The following RAB38 variants were observed in gnomAD, a reference collection of about 807,000 sequenced individuals.
The protein encoded by RAB38 is ras-related protein Rab-38.
Under a neutral mutation model 18.4 loss-of-function variants are expected in RAB38, and 15 were observed. The observed-to-expected ratio is 0.82, with a 90% confidence interval of 0.55 to 1.26. The LOEUF is 1.26. Ranked by LOEUF, RAB38 falls within the 50% of genes most tolerant of loss-of-function variation. RAB38 has a pLI of 0.00. For synonymous variants in RAB38, 101 were observed against 104.4 expected, an observed-to-expected ratio of 0.97 and a Z score of 0.20; for missense variants, 294 against 267.4, an observed-to-expected ratio of 1.10 and a Z score of -0.69.
At chr11:88,047,169 T>TC in the RAB38 span, among the ~76,000 whole-genome samples, 1 of 152,076 alleles carries the variant, frequency 6.6e-6, no homozygotes, top group Non-Finnish European at 1.5e-5. Flanking sequence ...TACTTTCTGC[T>TC]CCCCCGGCTC....
At chr11:88,034,100 T>C in the RAB38 span, among the ~76,000 whole-genome samples, 4 of 152,198 alleles carry the variant, frequency 2.6e-5, no homozygotes, top group Non-Finnish European at 4.4e-5. Flanking sequence ...CTGTTTTCCT[T>C]ATCTTTAATT....
the RAB38 span, among the ~76,000 whole-genome samples, chr11:88,083,620 T>C: frequency 6.6e-6 from 1 of 151,918 alleles, no homozygotes; most frequent in Non-Finnish European, 1.5e-5. Context: ...TTCATTTTGG[T>C]AGCATTAAGA....
At chr11:87,956,022 A>T in the RAB38 span, among the ~76,000 whole-genome samples, 3 of 152,146 alleles carry the variant, frequency 2.0e-5, no homozygotes, top group Non-Finnish European at 4.4e-5. Flanking sequence ...ACTAAGTGCT[A>T]AACCAAAAAT....
the RAB38 span, among the ~76,000 whole-genome samples, chr11:88,048,264 C>A: frequency 6.6e-6 from 1 of 152,166 alleles, no homozygotes; most frequent in South Asian, 2.1e-4. Flanking sequence ...GAAAAGGCCA[C>A]CACGGTCATT....
chr11:87,871,833 C>T, the RAB38 span, among the ~76,000 whole-genome samples: 2 of 151,590 alleles, frequency 1.3e-5, no homozygotes, highest in South Asian at 2.1e-4. Flanking sequence ...ATGACTTCTG[C>T]GTAGCAATGG....
chr11:87,868,204 A>T, the RAB38 span, among the ~76,000 whole-genome samples: 3 of 151,684 alleles, frequency 2.0e-5, no homozygotes, highest in East Asian at 5.9e-4. Flanking sequence ...ACTTGATTCC[A>T]TCTTTGAGGT....
the RAB38 span, among the ~76,000 whole-genome samples, chr11:87,853,132 G>A: frequency 6.6e-6 from 1 of 152,136 alleles, no homozygotes; most frequent in Non-Finnish European, 1.5e-5. Flanking sequence ...TATGGTCAGC[G>A]ACGTCTGGAA....
chr11:87,959,920 T>C, the RAB38 span, among the ~76,000 whole-genome samples: 2 of 152,154 alleles, frequency 1.3e-5, no homozygotes, highest in Non-Finnish European at 2.9e-5. Flanking sequence ...TGAACTATTA[T>C]GCAGAGAGAA....
At chr11:88,075,549 G>T in the RAB38 span, among the ~76,000 whole-genome samples, 1 of 152,114 alleles carries the variant, frequency 6.6e-6, no homozygotes, top group Non-Finnish European at 1.5e-5. Context: ...AGTACTAAGA[G>T]GGACATTTAT....
At chr11:87,836,564 GT>G in the RAB38 span, among the ~76,000 whole-genome samples, 2 of 152,036 alleles carry the variant, frequency 1.3e-5, no homozygotes, top group Non-Finnish European at 2.9e-5. Flanking sequence ...AATCTCAATT[GT>G]TTTCCTTGAT....
the RAB38 span, among the ~76,000 whole-genome samples, chr11:88,058,795 G>C: frequency 6.6e-6 from 1 of 152,120 alleles, no homozygotes; most frequent in South Asian, 2.1e-4. Flanking sequence ...AGAGATAATT[G>C]TGCTTCTCTA....
At chr11:88,122,780 C>T (rs1287156228) in intron 2 of RAB38, among the ~76,000 whole-genome samples, 1 of 152,196 alleles carries the variant, frequency 6.6e-6, no homozygotes. Context: ...ATGAGTTTCA[C>T]AATTTATTTT....
chr11:88,012,136 C>G, the RAB38 span, among the ~76,000 whole-genome samples: 5 of 152,140 alleles, frequency 3.3e-5, no homozygotes, highest in Non-Finnish European at 7.3e-5. Context: ...ATCAGATTTT[C>G]AATCTGGTCA....
chr11:87,843,627 T>C, the RAB38 span, among the ~76,000 whole-genome samples: 2 of 152,180 alleles, frequency 1.3e-5, no homozygotes, highest in Non-Finnish European at 2.9e-5. Flanking sequence ...AGCTTACTTA[T>C]GAGATAATTT....
chr11:88,017,766 C>G, the RAB38 span, among the ~76,000 whole-genome samples: 2 of 147,428 alleles, frequency 1.4e-5, no homozygotes, highest in African/African-American at 5.1e-5. Context: ...AGGAAGGTCA[C>G]CGCAATTCCC....
chr11:87,938,922 T>C, the RAB38 span, among the ~76,000 whole-genome samples: 1 of 151,998 alleles, frequency 6.6e-6, no homozygotes, highest in African/African-American at 2.4e-5. Context: ...CTTAGTGGGA[T>C]GAATAGGGAA....
the RAB38 span, among the ~76,000 whole-genome samples, chr11:87,968,699 G>A: frequency 1.3e-5 from 2 of 152,148 alleles, no homozygotes; most frequent in South Asian, 4.1e-4. Context: ...AAAGCAGTGT[G>A]CTCAGTTATG....
chr11:87,940,177 AAAAG>A, the RAB38 span, among the ~76,000 whole-genome samples: 3 of 151,732 alleles, frequency 2.0e-5, no homozygotes, highest in African/African-American at 7.3e-5. Context: ...AAAAAAAAAA[AAAAG>A]AGAGAGAGAG....
chr11:88,088,641 C>G, the RAB38 span, among the ~76,000 whole-genome samples: 1 of 151,756 alleles, frequency 6.6e-6, no homozygotes, highest in East Asian at 1.9e-4. Context: ...TGTCTGACCC[C>G]TGGTTTCCTG....
Sources: allele counts gnomAD v4.1 joint callset (sites outside exome capture counted in the v4.1 genomes callset), GRCh38; gene constraint gnomAD v4.1.1; transcripts MANE v1.5; gene names NCBI Gene and HGNC (gene_info 2026-07-23, HGNC 2026-07-21).